SUGCT: variants seen among roughly 807,000 people sequenced by gnomAD.
SUGCT encodes the protein succinyl-CoA:glutarate CoA-transferase.
Under a neutral mutation model 55.0 loss-of-function variants are expected in SUGCT, and 41 were observed. That is an observed-to-expected ratio of 0.74 (90% confidence interval 0.58 to 0.97). The LOEUF (loss-of-function observed/expected upper bound fraction) is 0.97. Ranked by LOEUF, SUGCT falls within the 50% of genes least tolerant of loss-of-function variation. SUGCT has a pLI of 0.00. For missense variants in SUGCT, 568 were observed against 547.8 expected (o/e 1.04, Z -0.37); for synonymous variants, 187 against 200.4 (o/e 0.93, Z 0.56).
chr7:40,141,336 T>C (rs922254186), intron 1 of SUGCT, among the ~76,000 whole-genome samples: 2 of 152,066 alleles, frequency 1.3e-5, no homozygotes, highest in Admixed American at 1.3e-4. Context: ...AGATTATGCA[T>C]GAGAGTGTGC....
chr7:40,599,304 G>A (rs937707588), intron 12 of SUGCT, among the ~76,000 whole-genome samples: 11 of 152,150 alleles, frequency 7.2e-5, no homozygotes, highest in Admixed American at 2.6e-4. Flanking sequence ...TAAATTGTTC[G>A]CTGTAAATTG....
chr7:40,355,783 C>T (rs1797858570), intron 9 of SUGCT, among the ~76,000 whole-genome samples: 1 of 152,184 alleles, frequency 6.6e-6, no homozygotes, highest in African/African-American at 2.4e-5. Context: ...AAATGTTTGT[C>T]TCTTAATGCT....
the SUGCT span, among the ~76,000 whole-genome samples, chr7:41,007,886 A>T: frequency 1.3e-5 from 2 of 150,868 alleles, no homozygotes; most frequent in Non-Finnish European, 2.9e-5. Flanking sequence ...CGTTGTGTTC[A>T]ATTGTGCTAT....
At chr7:40,212,659 C>T (rs1171883839) in intron 6 of SUGCT, among the ~76,000 whole-genome samples, 5 of 152,012 alleles carry the variant, frequency 3.3e-5, no homozygotes, top group African/African-American at 7.2e-5. Context: ...CTCAGCTTCC[C>T]GAGTAGCTGG....
intron 13 of SUGCT, among the ~76,000 whole-genome samples, chr7:40,837,555 T>C (rs796077575): frequency 2.0e-5 from 3 of 152,266 alleles, no homozygotes; most frequent in African/African-American, 7.2e-5. Flanking sequence ...TTTTACACTT[T>C]TAATTCTGTG....
intron 9 of SUGCT, among the ~76,000 whole-genome samples, chr7:40,364,496 G>C (rs9769180): frequency 5.7e-4 from 86 of 152,156 alleles, no homozygotes; most frequent in Admixed American, 1.5e-3. Context: ...AGGAGCTCTT[G>C]TAGGGCAGGC....
chr7:40,949,355 G>C, the SUGCT span, among the ~76,000 whole-genome samples: 1 of 151,878 alleles, frequency 6.6e-6, no homozygotes, highest in African/African-American at 2.4e-5. Context: ...CTGGATATTA[G>C]CCCTTTGTCA....
chr7:40,594,406 T>G (rs1797895581), intron 12 of SUGCT, among the ~76,000 whole-genome samples: 1 of 152,112 alleles, frequency 6.6e-6, no homozygotes, highest in Non-Finnish European at 1.5e-5. Context: ...TCTACCATAA[T>G]TATGAAATGT....
the SUGCT span, among the ~76,000 whole-genome samples, chr7:40,883,041 A>C: frequency 0.53 from 80,354 of 151,996 alleles, 22,157 homozygotes; most frequent in East Asian, 0.9. Flanking sequence ...CTCTGACAAC[A>C]CTTTGGTTTA....
chr7:40,777,452 G>GTT (rs35350371), intron 13 of SUGCT, among the ~76,000 whole-genome samples: 1 of 147,700 alleles, frequency 6.8e-6, no homozygotes, highest in Non-Finnish European at 1.5e-5. Context: ...TCCATGGTGG[G>GTT]TTTTTTTTTT....
chr7:40,597,594 A>G (rs1029108011), intron 12 of SUGCT, among the ~76,000 whole-genome samples: 3 of 152,142 alleles, frequency 2.0e-5, no homozygotes, highest in African/African-American at 4.8e-5. Context: ...AGATCTGGCC[A>G]TGGTGCCACA....
intron 9 of SUGCT, among the ~76,000 whole-genome samples, chr7:40,439,816 C>T (rs1583680278): frequency 6.6e-6 from 1 of 152,162 alleles, no homozygotes; most frequent in African/African-American, 2.4e-5. Flanking sequence ...CCAGACTGCT[C>T]AAACAGATGT....
chr7:40,884,138 C>T, the SUGCT span, among the ~76,000 whole-genome samples: 1 of 152,184 alleles, frequency 6.6e-6, no homozygotes, highest in Non-Finnish European at 1.5e-5. Flanking sequence ...TTCCTGGGAT[C>T]AGACTCATTC....
chr7:40,564,114 C>T (rs537578022), intron 12 of SUGCT, among the ~76,000 whole-genome samples: 3 of 152,228 alleles, frequency 2.0e-5, no homozygotes, highest in South Asian at 2.1e-4. Context: ...TGGCTCACGC[C>T]TGTAATCCCA....
At chr7:40,929,890 A>T in the SUGCT span, among the ~76,000 whole-genome samples, 7 of 152,258 alleles carry the variant, frequency 4.6e-5, no homozygotes, top group African/African-American at 1.4e-4. Context: ...CTCTGATGGT[A>T]GTTTCTTTTG....
the SUGCT span, among the ~76,000 whole-genome samples, chr7:40,924,492 G>A: frequency 6.6e-6 from 1 of 152,098 alleles, no homozygotes; most frequent in Non-Finnish European, 1.5e-5. Context: ...GAGCTCAAGC[G>A]ATCTGCCTGT....
At chr7:40,675,757 A>G (rs1376044439) in intron 12 of SUGCT, among the ~76,000 whole-genome samples, 1 of 152,234 alleles carries the variant, frequency 6.6e-6, no homozygotes, top group Admixed American at 6.5e-5. Flanking sequence ...CAGAATGAGC[A>G]GTAAGAGTTC....
At chr7:40,549,614 T>C (rs2151637454) in intron 12 of SUGCT, among the ~76,000 whole-genome samples, 1 of 152,298 alleles carries the variant, frequency 6.6e-6, no homozygotes, top group South Asian at 2.1e-4. Flanking sequence ...CAAGAACAGT[T>C]ATTATGATTG....
At chr7:40,219,575 G>C (rs1016768931) in intron 6 of SUGCT, among the ~76,000 whole-genome samples, 6 of 152,158 alleles carry the variant, frequency 3.9e-5, no homozygotes, top group Non-Finnish European at 8.8e-5. Context: ...AGGTGACACT[G>C]TCTCTTTGGG....
Sources: allele counts gnomAD v4.1 joint callset (sites outside exome capture counted in the v4.1 genomes callset), GRCh38; gene constraint gnomAD v4.1.1; transcripts MANE v1.5; gene names NCBI Gene and HGNC (gene_info 2026-07-23, HGNC 2026-07-21).